The following ULK1 variants were observed in gnomAD, a reference collection of about 807,000 sequenced individuals.
ULK1 encodes the protein unc-51 like autophagy activating kinase 1.
A neutral mutation model predicts 117.5 loss-of-function variants in ULK1; 48 were observed. That is an observed-to-expected ratio of 0.41 (90% CI 0.32 to 0.52). The LOEUF is 0.52. ULK1 is among the 20% of genes least tolerant of loss of function. The pLI is 0.29. For missense variants in ULK1, 1,387 were observed against 1,473.4 expected (o/e 0.94, Z 0.96); for synonymous variants, 790 against 637.8 (o/e 1.24, Z -3.60).
chr12:131,913,830 C>T lies in ULK1; in HGVS notation c.1241C>T (p.Pro414Leu), dbSNP rs754756999. The T allele has an allele frequency of 1.3e-6, 2 of 1,539,758 alleles. No individual in the cohort carries two copies. The highest frequency in any genetic ancestry group is 2.4e-5 in the South Asian group (2 of 81,890). ...PSPPCSSSPSPSGRAGPFSSS... is the reference protein window; with the variant it reads ...PSPPCSSSPSLSGRAGPFSSS... ...CCACCCTGCAGCAGCTCCCCCAGTC[C>T]CTCAGGGTAAGCAGGGCCCCAGGCT... The change falls in exon 15 of 28, where the codon CCC (proline) becomes CTC (leucine). Residue 414 changes from proline (P) to leucine (L), a missense_variant. Pro to Leu is a moderately conservative substitution (Grantham distance 98). Transcript: ENST00000321867.
chr12:131,911,810 C>G, intron 12 of ULK1, 132 bp from the exon 13 acceptor site: 2 of 1,265,558 alleles, frequency 1.6e-6, no homozygotes, highest in Non-Finnish European at 2.2e-6. Context: ...GGAAGAAAGA[C>G]GTGCCCAGCC....
At chr12:131,906,669 G>C in intron 3 of ULK1, 1 of 602,688 alleles carries the variant, frequency 1.7e-6, no homozygotes, top group South Asian at 1.9e-5. Context: ...GGGGGACCAG[G>C]GGCCTTTGCC....
At chr12:131,910,595 C>T (rs1889488258) in intron 11 of ULK1, 117 bp from the exon 12 acceptor site, 20 of 1,599,418 alleles carry the variant, frequency 1.3e-5, no homozygotes, top group South Asian at 1.1e-4. Context: ...TCCTGCTGGT[C>T]GGGGTGTAGC....
Position 131,910,737 on chromosome 12 carries a change from C to T in ULK1, c.885C>T (p.Tyr295=), listed in dbSNP as rs1566120537. Residue 295 remains tyrosine (Y), a synonymous_variant, in exon 12 of 28, where the codon TAC becomes TAT. Coordinates refer to ENST00000321867, the MANE Select transcript of ULK1 (RefSeq NM_003565.4). ...CCCCACCCGTGCCTGTGCCCTCGTA[C>T]CCAAGCTCGGGGTCCGGCAGCAGCT... ...RKSPPVPVPS[Y]PSSGSGSSSS... is the part of the protein sequence containing the mutation. The T allele has an allele frequency of 2.5e-6, 4 of 1,613,034 alleles. No individual in the cohort carries two copies. Among genetic ancestry groups the T allele is most frequent in the Non-Finnish European group, 3.4e-6 (4 of 1,179,924 alleles).
Position 131,903,948 on chromosome 12 carries a change from G to T in ULK1, c.247-2944G>T, listed in dbSNP as rs554497918. Among the ~76,000 whole-genome samples the T allele has an allele frequency of 2.0e-5, 3 of 152,224 alleles. No individual in the cohort carries two copies. Among genetic ancestry groups the T allele is most frequent in the East Asian group, 1.9e-4 (1 of 5,174 alleles). Reference sequence around the variant, plus strand: ...CTGTGACTCTGGGGCAAGGCCAGGGGTCTAGACGTGTCAGTAGCGAGGTGG... The same window carrying T: ...CTGTGACTCTGGGGCAAGGCCAGGGTTCTAGACGTGTCAGTAGCGAGGTGG... On this transcript the variant is annotated intron_variant, in intron 3 of 27. Coordinates refer to ENST00000321867, the MANE Select transcript of ULK1 (RefSeq NM_003565.4). The surrounding 1 kb of genome is among the most constrained non-coding windows in gnomAD (Gnocchi z 6.0).
At chr12:131,895,879 A>T (rs1593255920) in intron 3 of ULK1, 55 bp downstream of exon 3, 1 of 1,607,254 alleles carries the variant, frequency 6.2e-7, no homozygotes, top group East Asian at 2.2e-5. Context: ...CTGTGGCCCC[A>T]GGTGCTGGAT....
At chr12:131,920,209 C>T (rs1418061513) in intron 26 of ULK1, 73 bp downstream of exon 26, 5 of 1,544,690 alleles carry the variant, frequency 3.2e-6, no homozygotes, top group Non-Finnish European at 4.4e-6. Context: ...TGGGACGGGA[C>T]CTTGATGCCC....
chr12:131,911,863 C>T, intron 12 of ULK1, 79 bp from the exon 13 acceptor site: 1 of 1,603,180 alleles, frequency 6.2e-7, no homozygotes, highest in Non-Finnish European at 8.5e-7. Context: ...GGCTCTGGGC[C>T]ATCCCAGGAG....
intron 5 of ULK1, among the ~76,000 whole-genome samples, chr12:131,908,146 G>T (rs545562962): frequency 6.6e-6 from 1 of 152,260 alleles, no homozygotes; most frequent in South Asian, 2.1e-4. Context: ...CCCTCATAGC[G>T]CTGGGGCGGG....
chr12:131,910,359 C>G, intron 11 of ULK1, 55 bp downstream of exon 11: 1 of 1,609,334 alleles, frequency 6.2e-7, no homozygotes, highest in East Asian at 2.2e-5. Context: ...ACCCCTTCCT[C>G]CCCGGGTTTG....
intron 20 of ULK1, 105 bp from the exon 21 acceptor site, chr12:131,916,848 C>A: frequency 8.8e-7 from 1 of 1,133,682 alleles, no homozygotes; most frequent in Non-Finnish European, 1.2e-6. Context: ...CGAGGTGGGC[C>A]AGGAGACCGT....
At position 131,919,268 on chromosome 12, in the gene ULK1, C is replaced by G. The variant is rs143735595; in HGVS notation, c.2568C>G (p.His856Gln). ...GCTTCACGCTGCTGTTCGTGCAGCA[C>G]GTCCTGGAGATCGCAGCCCTGAAGG... ...GLRFTLLFVQHVLEIAALKGS... is the reference protein window; with the variant it reads ...GLRFTLLFVQQVLEIAALKGS... Residue 856 changes from histidine to glutamine, a missense_variant, in exon 24 of 28, where the codon CAC becomes CAG. His to Gln is a conservative substitution (Grantham distance 24, BLOSUM62 0). Around this residue, in one of 4 missense-constraint regions of ULK1, gnomAD observed 900 missense variants for 858.9 expected, o/e 1.05. Coordinates refer to ENST00000321867, the MANE Select transcript of ULK1 (RefSeq NM_003565.4). 6.3e-7 allele frequency: 1 copy of G among 1,598,828 alleles called. No individual in the cohort carries two copies. The highest frequency in any genetic ancestry group is 8.5e-7 in the Non-Finnish European group (1 of 1,177,198).
intron 8 of ULK1, among the ~76,000 whole-genome samples, chr12:131,909,473 G>A (rs1889425512): frequency 6.6e-6 from 1 of 152,114 alleles, no homozygotes; most frequent in African/African-American, 2.4e-5. Flanking sequence ...CGCCTGTCTG[G>A]TCGCCTGTCT....
intron 4 of ULK1, among the ~76,000 whole-genome samples, chr12:131,907,287 C>A (rs1889313326): frequency 6.6e-6 from 1 of 152,212 alleles, no homozygotes; most frequent in Non-Finnish European, 1.5e-5. Context: ...TCCCAAAGTG[C>A]TCGGATTACA....
chr12:131,917,447 G>C lies in ULK1; in HGVS notation c.2219G>C (p.Gly740Ala). The C allele has an allele frequency of 1.3e-6, 2 of 1,542,854 alleles. No individual in the cohort carries two copies. Among genetic ancestry groups the C allele is most frequent in the Non-Finnish European group, 1.7e-6 (2 of 1,145,118 alleles). ...GGCTTTGGAGGGAGCCTGCACCCAG[G>C]AGCCCGTGCTGGGGGCACCAGCAGC... ...SAGFGGSLHPGARAGGTSSPS... is the reference protein window; with the variant it reads ...SAGFGGSLHPAARAGGTSSPS... The change falls in exon 22 of 28, where the codon GGA becomes GCA. Residue 740 changes from glycine (G) to alanine (A), a missense_variant. Physicochemically the swap from Gly to Ala is moderately conservative, Grantham distance 60. Around this residue, in one of 4 missense-constraint regions of ULK1, gnomAD observed 900 missense variants for 858.9 expected, o/e 1.05. Transcript: ENST00000321867.
At chr12:131,915,458 T>C in intron 18 of ULK1, 37 bp downstream of exon 18, 1 of 1,602,122 alleles carries the variant, frequency 6.2e-7, no homozygotes, top group Non-Finnish European at 8.5e-7. Flanking sequence ...GGTGCTAGGC[T>C]GACCTCCCTC....
intron 14 of ULK1, 111 bp downstream of exon 14, chr12:131,913,369 G>A: frequency 8.5e-7 from 1 of 1,172,348 alleles, no homozygotes. Flanking sequence ...TCCAGCCTGG[G>A]TGACAGAGCG....
intron 4 of ULK1, 30 bp from the exon 5 acceptor site, chr12:131,907,465 G>A: frequency 6.2e-7 from 1 of 1,611,210 alleles, no homozygotes; most frequent in South Asian, 1.1e-5. Context: ...GGGCCCTGCT[G>A]CAGCCTGATG....
rs1890029206 is a variant in ULK1, at chr12:131,919,115, GC to G, written c.2512-94del. The G allele has an allele frequency of 2.1e-6, 3 of 1,411,208 alleles. No homozygotes were observed. In the East Asian group the frequency reaches 7.4e-5, roughly 35 times the overall value. 87.4% of individuals were successfully genotyped at this position (1,411,208 alleles called of 1,614,324 possible). On this transcript the variant is annotated intron_variant, in intron 23 of 27. Transcript: ENST00000321867. ...GGGCTGCAGCAGGGGAGGGTACCCT[GC>G]CCTGCCTCCCCAAGGCGTCATCGGT...
Sources: gnomAD v4.1 joint callset for allele counts (sites outside exome capture counted in the v4.1 genomes callset) on GRCh38, gnomAD v4.1.1 for gene constraint, gnomAD v4.1.1 regional missense constraint, Gnocchi (gnomAD v3.1) non-coding constraint, MANE v1.5 for transcripts, NCBI Gene and HGNC (gene_info 2026-07-23, HGNC 2026-07-21) for gene names.